The following PIP5K1B variants were observed in gnomAD, a reference collection of about 807,000 sequenced individuals.
The protein encoded by PIP5K1B is phosphatidylinositol 4-phosphate 5-kinase type-1 beta.
A neutral mutation model predicts 67.0 loss-of-function variants in PIP5K1B; 42 were observed. That is an observed-to-expected ratio of 0.63 (90% confidence interval 0.49 to 0.81). PIP5K1B has a LOEUF of 0.81. Among genes scored for constraint, PIP5K1B ranks in the 30% least tolerant of loss-of-function variants. The pLI, the probability that PIP5K1B is intolerant of heterozygous loss-of-function variation, is 0.00. For missense variants in PIP5K1B, 459 were observed against 646.3 expected, an observed-to-expected ratio of 0.71 and a Z score of 3.14; for synonymous variants, 214 against 231.4, an observed-to-expected ratio of 0.92 and a Z score of 0.68.
intron 5 of PIP5K1B, among the ~76,000 whole-genome samples, chr9:68,869,706 A>G (rs1005663985): frequency 1.3e-5 from 2 of 152,192 alleles, no homozygotes; most frequent in African/African-American, 2.4e-5. Flanking sequence ...GGCTGGCTGC[A>G]GTGGCTCACG....
chr9:68,979,492 A>G (rs1395116268), intron 14 of PIP5K1B, among the ~76,000 whole-genome samples: 2 of 47,134 alleles, frequency 4.2e-5, no homozygotes, highest in Non-Finnish European at 9.9e-5. Flanking sequence ...CTGAACTTGG[A>G]TGAGGGTTCC....
At chr9:68,952,717 A>G (rs1263998364) in intron 14 of PIP5K1B, among the ~76,000 whole-genome samples, 2 of 151,630 alleles carry the variant, frequency 1.3e-5, no homozygotes, top group South Asian at 2.1e-4. Flanking sequence ...ATTGTCTTCT[A>G]GTTTCCAATT....
intron 1 of PIP5K1B, among the ~76,000 whole-genome samples, chr9:68,716,942 A>G (rs1037218410): frequency 1.1e-4 from 17 of 152,354 alleles, no homozygotes; most frequent in African/African-American, 3.6e-4. Context: ...CTGTAGCATA[A>G]TGGATGCACC....
chr9:68,963,513 A>C lies in PIP5K1B; in HGVS notation c.1502+22723A>C, dbSNP rs1414612098. ...GCAAGACTCTGTCTCAGAAAAAAAA[A>C]AAAACAAAACCTAAGAAAGGAACCA... On this transcript the variant is annotated intron_variant, in intron 14 of 15. Coordinates refer to ENST00000265382, the MANE Select transcript of PIP5K1B (RefSeq NM_003558.4). Among the ~76,000 whole-genome samples, 7 of 152,084 alleles carry C rather than the reference A, an allele frequency of 4.6e-5. No homozygotes were observed. In the East Asian group the frequency reaches 9.6e-4, roughly 21 times the overall value.
At chr9:68,949,147 T>A (rs1827939371) in intron 14 of PIP5K1B, among the ~76,000 whole-genome samples, 1 of 152,180 alleles carries the variant, frequency 6.6e-6, no homozygotes, top group African/African-American at 2.4e-5. Flanking sequence ...ATTCTGGAAC[T>A]AAAACACTAC....
chr9:68,924,541 G>A (rs1044104237), intron 12 of PIP5K1B, among the ~76,000 whole-genome samples: 4 of 151,730 alleles, frequency 2.6e-5, no homozygotes, highest in African/African-American at 2.4e-5. Context: ...GGGAGTATGT[G>A]GGCTCTTATT....
chr9:68,722,533 A>G (rs1289564196), intron 1 of PIP5K1B, among the ~76,000 whole-genome samples: 5 of 148,260 alleles, frequency 3.4e-5, no homozygotes, highest in Admixed American at 2.7e-4. Context: ...CTCTTTCTAT[A>G]CTCTAGCTGC....
intron 4 of PIP5K1B, among the ~76,000 whole-genome samples, chr9:68,845,348 A>T (rs185946505): frequency 2.6e-4 from 40 of 152,308 alleles, no homozygotes; most frequent in African/African-American, 8.7e-4. Context: ...GTTGGTTGGT[A>T]GAAGAAGAGC....
chr9:68,773,784 C>T (rs1015486612), intron 2 of PIP5K1B, among the ~76,000 whole-genome samples: 3 of 152,138 alleles, frequency 2.0e-5, no homozygotes, highest in Non-Finnish European at 4.4e-5. Flanking sequence ...TTAGATTAAG[C>T]AATTTTAAGG....
intron 14 of PIP5K1B, among the ~76,000 whole-genome samples, chr9:68,956,357 CTA>C (rs1322803166): frequency 1.3e-5 from 2 of 152,216 alleles, no homozygotes; most frequent in East Asian, 3.9e-4. Context: ...GTATTCCCAG[CTA>C]CTCAGGAAGC....
chr9:68,982,168 T>C (rs1829908379), intron 14 of PIP5K1B, among the ~76,000 whole-genome samples: 1 of 152,192 alleles, frequency 6.6e-6, no homozygotes, highest in Non-Finnish European at 1.5e-5. Flanking sequence ...TAACTGGATC[T>C]TCCCAAGCCA....
chr9:68,954,115 G>C (rs979489496), intron 14 of PIP5K1B, among the ~76,000 whole-genome samples: 1 of 152,124 alleles, frequency 6.6e-6, no homozygotes, highest in Non-Finnish European at 1.5e-5. Flanking sequence ...CCAGTCTTCT[G>C]TTGGAATGGG....
chr9:68,858,661 C>G (rs930393446), intron 4 of PIP5K1B, among the ~76,000 whole-genome samples: 2 of 152,194 alleles, frequency 1.3e-5, no homozygotes, highest in African/African-American at 4.8e-5. Context: ...GGGCTTCAAG[C>G]AAGGCACTGA....
intron 4 of PIP5K1B, among the ~76,000 whole-genome samples, chr9:68,837,873 AATTAT>A (rs1230221028): frequency 6.6e-6 from 1 of 151,894 alleles, no homozygotes; most frequent in Non-Finnish European, 1.5e-5. Flanking sequence ...TTTTTGTTGA[AATTAT>A]ATTAAATTAA....
chr9:68,965,808 A>G (rs1290063525), intron 14 of PIP5K1B, among the ~76,000 whole-genome samples: 2 of 152,060 alleles, frequency 1.3e-5, no homozygotes, highest in African/African-American at 2.4e-5. Flanking sequence ...TCTACTAAAA[A>G]TACAAAAATT....
At chr9:68,721,981 T>C (rs944188270) in intron 1 of PIP5K1B, among the ~76,000 whole-genome samples, 1 of 152,144 alleles carries the variant, frequency 6.6e-6, no homozygotes, top group African/African-American at 2.4e-5. Context: ...TCGGAAGACC[T>C]CTCTGAGCCC....
intron 15 of PIP5K1B, among the ~76,000 whole-genome samples, chr9:68,995,400 A>G (rs1830560805): frequency 6.6e-6 from 1 of 152,172 alleles, no homozygotes; most frequent in Non-Finnish European, 1.5e-5. Flanking sequence ...TAATTCCAGA[A>G]TGTGTTTTCA....
At chr9:68,921,872 T>TA (rs1826423466) in intron 11 of PIP5K1B, among the ~76,000 whole-genome samples, 1 of 151,974 alleles carries the variant, frequency 6.6e-6, no homozygotes, top group Non-Finnish European at 1.5e-5. Flanking sequence ...ATAAATAAAT[T>TA]AAAAAATATA....
intron 1 of PIP5K1B, chr9:68,707,524 G>GT (rs568968934): frequency 1.3e-5 from 2 of 152,278 alleles, no homozygotes; most frequent in Non-Finnish European, 2.9e-5. Flanking sequence ...ATATAAGGTG[G>GT]TTTTTTAAAT....
Sources: gnomAD v4.1 joint callset for allele counts (sites outside exome capture counted in the v4.1 genomes callset) on GRCh38, gnomAD v4.1.1 for gene constraint, MANE v1.5 for transcripts, NCBI Gene and HGNC (gene_info 2026-07-23, HGNC 2026-07-21) for gene names.